Variants in WNT8A observed in about 807,000 individuals in gnomAD.
WNT8A encodes Wnt family member 8A, also known as protein Wnt-8a.
Under a neutral mutation model 20.5 loss-of-function variants are expected in WNT8A, and 14 were observed. The observed-to-expected ratio is 0.68, with a 90% confidence interval of 0.45 to 1.07. The LOEUF is 1.07. Ranked by LOEUF, WNT8A falls within the 50% of genes least tolerant of loss-of-function variation. The probability of loss-of-function intolerance (pLI) is 0.00; values close to 1 mark genes in which losing one functional copy is unlikely to be tolerated. For synonymous variants in WNT8A, 167 were observed against 169.2 expected, an observed-to-expected ratio of 0.99 and a Z score of 0.10; for missense variants, 397 against 462.9, an observed-to-expected ratio of 0.86 and a Z score of 1.31.
chr5:138,080,858 A>G (rs551587825), upstream of WNT8A, among the ~76,000 whole-genome samples: 1 of 152,204 alleles, frequency 6.6e-6, no homozygotes, highest in South Asian at 2.1e-4. Flanking sequence ...GATGGTGGTA[A>G]ATATCTTGCC....
At chr5:138,077,934 C>T in the WNT8A span, among the ~76,000 whole-genome samples, 5 of 152,120 alleles carry the variant, frequency 3.3e-5, no homozygotes, top group Non-Finnish European at 5.9e-5. Context: ...CTGATCCCCC[C>T]TCATATGCCT....
chr5:138,080,894 T>C (rs145505348), upstream of WNT8A, among the ~76,000 whole-genome samples: 10 of 152,250 alleles, frequency 6.6e-5, no homozygotes, highest in East Asian at 1.9e-3. Context: ...AGCCCAGGGC[T>C]CCTGATACCT....
upstream of WNT8A, among the ~76,000 whole-genome samples, chr5:138,079,639 A>C (rs569006634): frequency 6.6e-6 from 1 of 152,264 alleles, no homozygotes; most frequent in South Asian, 2.1e-4. Context: ...CCAGCACACC[A>C]GGGCTTTAGA....
intron 2 of WNT8A, 44 bp from the exon 3 acceptor site, chr5:138,087,762 A>G (rs368495869): frequency 4.2e-5 from 68 of 1,602,890 alleles, no homozygotes; most frequent in Non-Finnish European, 5.1e-6. Flanking sequence ...GCTTTGGGTA[A>G]TCAGGGTCCA....
In WNT8A at chr5:138,090,828, G is replaced by A. The variant is rs760165884; in HGVS notation, c.865G>A (p.Glu289Lys). 1.2e-6 allele frequency: 2 copies of A among 1,614,228 alleles called. No individual in the cohort carries two copies. Among genetic ancestry groups the A allele is most frequent in the Non-Finnish European group, 1.7e-6 (2 of 1,180,028 alleles). The change falls in exon 5 of 5, where the codon GAG (glutamate) becomes AAG (lysine). Residue 289 changes from glutamate (E) to lysine (K), a missense_variant. Physicochemically the swap from Glu to Lys is moderately conservative, Grantham distance 56. Coordinates refer to ENST00000506684, the MANE Select transcript of WNT8A (RefSeq NM_001300939.2). ...TTCCAGCCTGGGCATCTATGGCACA[G>A]AGGGTCGTGAGTGCCTACAGAACAG... ...CNSSLGIYGT[E>K]GRECLQNSHN...
intron 2 of WNT8A, among the ~76,000 whole-genome samples, chr5:138,085,907 G>A (rs1021417198): frequency 1.3e-5 from 2 of 151,734 alleles, no homozygotes; most frequent in African/African-American, 4.8e-5. Flanking sequence ...CTCCCCATGG[G>A]GTATACAGAT....
At chr5:138,086,362 C>T (rs1750662039) in intron 2 of WNT8A, among the ~76,000 whole-genome samples, 1 of 151,996 alleles carries the variant, frequency 6.6e-6, no homozygotes, top group Admixed American at 6.6e-5. Flanking sequence ...GGACTATAGG[C>T]ATGCACCCCC....
At chr5:138,087,996 A>T in intron 3 of WNT8A, 65 bp downstream of exon 3, 1 of 1,592,372 alleles carries the variant, frequency 6.3e-7, no homozygotes, top group Non-Finnish European at 8.5e-7. Context: ...TGCAGACTAA[A>T]GTCTTCCAGA....
rs1750768858 is a variant in WNT8A, at chr5:138,089,157, T to C, written c.564+88T>C. The C allele has an allele frequency of 7.9e-6, 12 of 1,512,398 alleles. No individual in the cohort carries two copies. The South Asian group carries it at 1.6e-4, about 20-fold the overall frequency. The allele number at this position is 1,512,398 out of a possible 1,614,324, so 93.7% of individuals were successfully genotyped here. The stretch of plus-strand genomic sequence containing the variant: ...TACCAAGAGCTGTCTTATACGTTCT[T>C]TCCTCATACTACCCAGCCAGATTGA... On this transcript the variant is annotated intron_variant, in intron 4 of 4. Coordinates refer to ENST00000506684, the MANE Select transcript of WNT8A (RefSeq NM_001300939.2).
At position 138,090,594 on chromosome 5, in the gene WNT8A, AC is replaced by A; in HGVS notation, c.632del (p.Thr211AsnfsTer16). 2 of 1,614,206 alleles carry A rather than the reference AC, an allele frequency of 1.2e-6. No homozygotes were observed. Among genetic ancestry groups the A allele is most frequent in the Non-Finnish European group, 1.7e-6 (2 of 1,180,040 alleles). ...HGISGSCSIQ[T>X]CWLQLAEFRE... ...CATCTCTGGGAGCTGCAGCATACAG[AC>A]ATGCTGGCTGCAGCTGGCTGAATTC... On this transcript the variant is annotated frameshift_variant, in exon 5 of 5. Coordinates refer to ENST00000506684, the MANE Select transcript of WNT8A (RefSeq NM_001300939.2). LOFTEE classifies it low-confidence loss of function (END_TRUNC).
upstream of WNT8A, among the ~76,000 whole-genome samples, chr5:138,080,624 A>T (rs1446633680): frequency 2.6e-5 from 4 of 151,450 alleles, no homozygotes; most frequent in Non-Finnish European, 4.4e-5. Flanking sequence ...TTTTAGAGAC[A>T]GGGTCTCATT....
At position 138,086,879 on chromosome 5, in the gene WNT8A, CAA is replaced by C. The variant is rs35287315; in HGVS notation, c.296-910_296-909del. On this transcript the variant is annotated intron_variant, in intron 2 of 4. Coordinates refer to ENST00000506684, the MANE Select transcript of WNT8A (RefSeq NM_001300939.2). ...GTGAAACCCCATATGTACTAAAGAC[CAA>C]AAAAAAAAAAAAAAAATAGCCGGGT... is the stretch of plus-strand genomic sequence containing the variant. Among the ~76,000 whole-genome samples the C allele has an allele frequency of 4.9e-3, 596 of 120,458 alleles. 4 individuals carry two copies. Among genetic ancestry groups the C allele is most frequent in the East Asian group, 0.041 (164 of 4,038 alleles). 79.0% of individuals were successfully genotyped at this position (120,458 alleles called of 152,430 possible).
At position 138,084,067 on chromosome 5, in the gene WNT8A, G is replaced by T; in HGVS notation, c.-61G>T. 1 of 1,607,090 alleles carries T rather than the reference G, an allele frequency of 6.2e-7. No individual in the cohort carries two copies. The highest frequency in any genetic ancestry group is 8.5e-7 in the Non-Finnish European group (1 of 1,175,044). On this transcript the variant is annotated 5_prime_UTR_variant, in exon 1 of 5. Coordinates refer to ENST00000506684, the MANE Select transcript of WNT8A (RefSeq NM_001300939.2). Reference sequence around the variant, plus strand: ...CTGGACTTGGCCCTGAGCTGGACCTGGTCCACTGGGGTAGGCAGGGCGATG... The same window carrying T: ...CTGGACTTGGCCCTGAGCTGGACCTTGTCCACTGGGGTAGGCAGGGCGATG...
At chr5:138,088,897 A>G (rs938148479) in intron 3 of WNT8A, 30 bp from the exon 4 acceptor site, 2 of 1,610,690 alleles carry the variant, frequency 1.2e-6, no homozygotes, top group African/African-American at 2.7e-5. Flanking sequence ...ATGGAGCTAC[A>G]CGGAGAACTT....
At chr5:138,092,213 A>C (rs1012847769), downstream of WNT8A, 6 of 152,256 alleles carry the variant, frequency 3.9e-5, no homozygotes, top group Non-Finnish European at 5.9e-5. Context: ...TCTGTATCCC[A>C]ATAATCCACC....
intron 2 of WNT8A, among the ~76,000 whole-genome samples, chr5:138,087,191 T>C (rs1292530003): frequency 6.9e-6 from 1 of 145,758 alleles, no homozygotes; most frequent in East Asian, 2.0e-4. Context: ...ACCCCATCTC[T>C]ACTAAAAATA....
At chr5:138,088,816 G>A in intron 3 of WNT8A, 111 bp from the exon 4 acceptor site, 1 of 1,434,812 alleles carries the variant, frequency 7.0e-7, no homozygotes, top group East Asian at 2.4e-5. Flanking sequence ...CCATTTCCCT[G>A]TCTCACCTTC....
At chr5:138,080,175 T>C (rs1313943588), upstream of WNT8A, among the ~76,000 whole-genome samples, 1 of 151,744 alleles carries the variant, frequency 6.6e-6, no homozygotes, top group Non-Finnish European at 1.5e-5. Flanking sequence ...ATGCAAAAAT[T>C]AGCCAAGCGT....
upstream of WNT8A, among the ~76,000 whole-genome samples, chr5:138,079,315 AATTATATAT>A (rs1750445227): frequency 1.9e-5 from 1 of 52,998 alleles, no homozygotes; most frequent in African/African-American, 5.2e-5. Flanking sequence ...AATTATTATT[AATTATATAT>A]TAATTATATA....
Sources: allele counts gnomAD v4.1 joint callset (sites outside exome capture counted in the v4.1 genomes callset), GRCh38; gene constraint gnomAD v4.1.1; transcripts MANE v1.5; gene names NCBI Gene and HGNC (gene_info 2026-07-23, HGNC 2026-07-21).